The following RBM20 variants were observed in gnomAD, a reference collection of about 807,000 sequenced individuals.
RBM20 encodes RNA-binding protein 20.
A neutral mutation model predicts 110.1 loss-of-function variants in RBM20; 51 were observed. The ratio of observed to expected loss-of-function variants is 0.46; its 90% CI spans 0.37 to 0.59. The LOEUF (loss-of-function observed/expected upper bound fraction) is 0.59. Among genes scored for constraint, RBM20 ranks in the 20% least tolerant of loss-of-function variants. The pLI is 0.00. For missense variants in RBM20, 1,512 were observed against 1,574.9 expected, an observed-to-expected ratio of 0.96 and a Z score of 0.68; for synonymous variants, 589 against 618.2, an observed-to-expected ratio of 0.95 and a Z score of 0.70.
At chr10:110,809,259 G>GAA (rs973053467) in intron 7 of RBM20, among the ~76,000 whole-genome samples, 2 of 96,576 alleles carry the variant, frequency 2.1e-5, no homozygotes, top group Non-Finnish European at 4.6e-5. Context: ...AAATTACATA[G>GAA]AAAAAATCAA....
chr10:110,793,216 C>T (rs1456550018), intron 5 of RBM20, among the ~76,000 whole-genome samples: 2 of 152,192 alleles, frequency 1.3e-5, no homozygotes, highest in South Asian at 2.1e-4. Context: ...AACCCAGGCC[C>T]TCTGTCTTCT....
chr10:110,676,266 G>A (rs1220286220), intron 1 of RBM20, among the ~76,000 whole-genome samples: 2 of 152,208 alleles, frequency 1.3e-5, no homozygotes, highest in Non-Finnish European at 2.9e-5. Context: ...AATTCCCAGT[G>A]TCCTCGCTCT....
intron 1 of RBM20, among the ~76,000 whole-genome samples, chr10:110,746,806 C>T (rs947080440): frequency 6.6e-6 from 1 of 152,146 alleles, no homozygotes; most frequent in African/African-American, 2.4e-5. Flanking sequence ...AAATATCATC[C>T]CATCACAATG....
intron 7 of RBM20, among the ~76,000 whole-genome samples, chr10:110,806,977 C>A (rs758750519): frequency 6.6e-6 from 1 of 152,208 alleles, no homozygotes; most frequent in Non-Finnish European, 1.5e-5. Flanking sequence ...TTTCAGATGG[C>A]AGCTGGCAGC....
At chr10:110,721,881 G>C (rs1465046330) in intron 1 of RBM20, among the ~76,000 whole-genome samples, 1 of 152,044 alleles carries the variant, frequency 6.6e-6, no homozygotes, top group Non-Finnish European at 1.5e-5. Context: ...GGCAGTCTCT[G>C]GGGGGATGCA....
intron 1 of RBM20, among the ~76,000 whole-genome samples, chr10:110,751,203 G>A (rs999112787): frequency 1.3e-5 from 2 of 152,220 alleles, no homozygotes; most frequent in African/African-American, 4.8e-5. Flanking sequence ...CTTACAGGAT[G>A]TCTCTGTAAA....
Position 110,781,467 on chromosome 10 carries a change from C to T in RBM20, c.858C>T (p.Asn286=). ...TTTCCAAAGATTTTTACGGACCCAA[C>T]TCCCAAGGTTCACATGTGGCCAGCG... ...AAFSKDFYGP[N]SQGSHVASGF... The change falls in exon 2 of 14, where the codon AAC becomes AAT. Residue 286 remains asparagine (N), a synonymous_variant. Coordinates refer to ENST00000369519, the MANE Select transcript of RBM20 (RefSeq NM_001134363.3). The T allele has an allele frequency of 1.9e-6, 3 of 1,551,588 alleles. No homozygotes were observed. Among genetic ancestry groups the T allele is most frequent in the Non-Finnish European group, 2.6e-6 (3 of 1,147,002 alleles).
chr10:110,803,828 A>G (rs1202643007), intron 7 of RBM20, among the ~76,000 whole-genome samples: 1 of 151,336 alleles, frequency 6.6e-6, no homozygotes. Flanking sequence ...AAAAAAAAAA[A>G]AAAAAAAAAA....
intron 1 of RBM20, among the ~76,000 whole-genome samples, chr10:110,729,290 C>T (rs1490598462): frequency 6.6e-6 from 1 of 152,128 alleles, no homozygotes; most frequent in Non-Finnish European, 1.5e-5. Context: ...GTGTTGTTCC[C>T]AAAGCTCTCT....
At chr10:110,681,759 A>G (rs768222296) in intron 1 of RBM20, among the ~76,000 whole-genome samples, 13 of 152,256 alleles carry the variant, frequency 8.5e-5, no homozygotes, top group Admixed American at 4.6e-4. Context: ...TGGATAAGCC[A>G]TGATACATTT....
Position 110,821,280 on chromosome 10 carries a change from A to G in RBM20, c.2661A>G (p.Gln887=). The stretch of plus-strand genomic sequence containing the variant: ...CATTCTGCATTTTTGTACAGGAACA[A>G]GATTGGGAGAGTGAAAGTGAGGCAG... ...DPENTRTKKE[Q]DWESESEAEG... is the part of the protein sequence containing the mutation. Residue 887 remains glutamine (Q), a synonymous_variant, in exon 11 of 14, where the codon CAA becomes CAG. Transcript: ENST00000369519. 6.4e-7 allele frequency: 1 copy of G among 1,550,578 alleles called. No homozygotes were observed. Among genetic ancestry groups the G allele is most frequent in the Non-Finnish European group, 8.7e-7 (1 of 1,146,112 alleles).
rs372370653 is a variant in RBM20 at position 110,821,608 on chromosome 10, G to T, written c.2989G>T (p.Val997Leu). The change falls in exon 11 of 14, where the codon GTG becomes TTG. Residue 997 changes from valine to leucine, a missense_variant. Physicochemically the swap from Val to Leu is conservative, Grantham distance 32 (BLOSUM62 1). Transcript: ENST00000369519. Reference protein sequence around the residue: ...ASTSCPSDMDVEMPGLNLDAE... With the variant: ...ASTSCPSDMDLEMPGLNLDAE... The stretch of plus-strand genomic sequence containing the variant: ...CACAAGCTGTCCCAGTGACATGGAC[G>T]TGGAAATGCCTGGCCTAAATCTGGA... 48 of 1,551,218 alleles carry T rather than the reference G, an allele frequency of 3.1e-5. No homozygotes were observed. Among genetic ancestry groups the T allele is most frequent in the Middle Eastern group, 1.7e-4 (1 of 6,016 alleles).
rs1250113758 is a variant in RBM20, at chr10:110,731,819, C to T, written c.192-48982C>T. 5.3e-5 allele frequency among the ~76,000 whole-genome samples: 8 copies of T among 152,186 alleles called. No individual in the cohort carries two copies. In the East Asian group the frequency reaches 9.6e-4, roughly 18 times the overall value. On this transcript the variant is annotated intron_variant, in intron 1 of 13. Coordinates refer to ENST00000369519, the MANE Select transcript of RBM20 (RefSeq NM_001134363.3). ...TCCTTAGTTGTATGCTGAGAGTGTT[C>T]TCTTCAGCTTAATTTGCAAAATGTC...
intron 1 of RBM20, among the ~76,000 whole-genome samples, chr10:110,653,897 C>T (rs1043154306): frequency 3.3e-5 from 5 of 152,208 alleles, no homozygotes; most frequent in Admixed American, 1.3e-4. Flanking sequence ...CCTCTTTCTA[C>T]TTTCCAATAC....
At chr10:110,806,426 A>G (rs1485663091) in intron 7 of RBM20, among the ~76,000 whole-genome samples, 1 of 152,208 alleles carries the variant, frequency 6.6e-6, no homozygotes, top group African/African-American at 2.4e-5. Flanking sequence ...CATGTCTTTC[A>G]TGGCCAGAGC....
chr10:110,725,935 G>T (rs946021338), intron 1 of RBM20, among the ~76,000 whole-genome samples: 1 of 152,004 alleles, frequency 6.6e-6, no homozygotes, highest in Non-Finnish European at 1.5e-5. Flanking sequence ...CCTCCTTCCT[G>T]CCCCCCTCCC....
Position 110,829,585 on chromosome 10 carries a change from C to A in RBM20, c.3452-1476C>A, listed in dbSNP as rs74926028. Among the ~76,000 whole-genome samples, 72 of 152,314 alleles carry A rather than the reference C, an allele frequency of 4.7e-4. 1 individual carries two copies. In the East Asian group the frequency reaches 0.013, roughly 27 times the overall value. ...CTCCCATCTCCCTCCCTCAGAGCTG[C>A]CCTTCACACTGATAAGTGGCTATTT... On this transcript the variant is annotated intron_variant, in intron 12 of 13. Transcript: ENST00000369519.
At position 110,760,380 on chromosome 10, in the gene RBM20, C is replaced by CA. The variant is rs1554896581; in HGVS notation, c.192-20421_192-20420insA. On this transcript the variant is annotated intron_variant, in intron 1 of 13. Coordinates refer to ENST00000369519, the MANE Select transcript of RBM20 (RefSeq NM_001134363.3). Reference sequence around the variant, plus strand: ...CATCTGAGGGGTTCATTGGAAGACACTATAAGCTACATGGGTCAATATTAG... The same window carrying CA: ...CATCTGAGGGGTTCATTGGAAGACACATATAAGCTACATGGGTCAATATTAG... 5.5e-5 allele frequency among the ~76,000 whole-genome samples: 8 copies of CA among 145,214 alleles called. No individual in the cohort carries two copies. The South Asian group carries it at 6.8e-4, about 12-fold the overall frequency.
chr10:110,694,758 A>G (rs1862636825), intron 1 of RBM20, among the ~76,000 whole-genome samples: 1 of 152,354 alleles, frequency 6.6e-6, no homozygotes, highest in African/African-American at 2.4e-5. Context: ...CAACTAGTTC[A>G]GTTAGAACAT....
Sources: allele counts gnomAD v4.1 joint callset (sites outside exome capture counted in the v4.1 genomes callset), GRCh38; gene constraint gnomAD v4.1.1; transcripts MANE v1.5; gene names NCBI Gene and HGNC (gene_info 2026-07-23, HGNC 2026-07-21).